RBM4: variants seen among roughly 807,000 people sequenced by gnomAD.
The protein encoded by RBM4 is RNA-binding protein 4.
RBM4 carries 7 observed loss-of-function variants against 29.5 expected under a neutral mutation model. The ratio of observed to expected loss-of-function variants is 0.24; its 90% CI spans 0.14 to 0.45. The LOEUF is 0.45. RBM4 is among the 20% of genes least tolerant of loss of function. RBM4 has a pLI of 1.00. For missense variants in RBM4, 387 were observed against 502.3 expected (o/e 0.77, Z 2.19); for synonymous variants, 220 against 205.4 (o/e 1.07, Z -0.61).
At chr11:66,662,548 C>T (rs570726160) in intron 2 of RBM4, among the ~76,000 whole-genome samples, 1 of 152,120 alleles carries the variant, frequency 6.6e-6, no homozygotes, top group Admixed American at 6.5e-5. Context: ...ATTACAGGTG[C>T]ACACCACCAT....
intron 2 of RBM4, among the ~76,000 whole-genome samples, chr11:66,654,582 A>G (rs955400602): frequency 4.0e-5 from 6 of 151,742 alleles, no homozygotes; most frequent in South Asian, 2.1e-4. Flanking sequence ...TCTGACTGCA[A>G]TCTTGATCTC....
chr11:66,648,227 T>G (rs1938749596), downstream of RBM4, among the ~76,000 whole-genome samples: 4 of 151,630 alleles, frequency 2.6e-5, no homozygotes, highest in South Asian at 8.3e-4. Context: ...AAAATAAAAT[T>G]TTAAGTCCTT....
chr11:66,665,488 A>C, intron 2 of RBM4: 1 of 936,514 alleles, frequency 1.1e-6, no homozygotes, highest in Non-Finnish European at 1.7e-6. Flanking sequence ...CTGAAACATG[A>C]AGCAATGGAA....
intron 2 of RBM4, among the ~76,000 whole-genome samples, chr11:66,652,672 G>A (rs1473684002): frequency 6.6e-6 from 1 of 152,116 alleles, no homozygotes; most frequent in Admixed American, 6.5e-5. Context: ...ATAGGGACTC[G>A]TGTTACTTTA....
intron 2 of RBM4, chr11:66,665,356 CAG>C (rs1939187202): frequency 5.1e-6 from 3 of 586,476 alleles, no homozygotes; most frequent in South Asian, 4.1e-5. Flanking sequence ...TAGGGCTGCT[CAG>C]AGGCTGAGAA....
chr11:66,643,913 C>CGCT lies in RBM4; in HGVS notation c.884_886dup (p.Ala295dup), dbSNP rs1565081722. 1 of 1,608,930 alleles carries CGCT rather than the reference C, an allele frequency of 6.2e-7. No homozygotes were observed. The highest frequency in any genetic ancestry group is 8.5e-7 in the Non-Finnish European group (1 of 1,178,190). On this transcript the variant is annotated inframe_insertion, in exon 3 of 4. Transcript: ENST00000310092. The surrounding 1 kb of genome is among the most constrained non-coding windows in gnomAD (Gnocchi z 6.1). Reference sequence around the variant, plus strand: ...CCACAGCTGCTGCTGCAGCAGCAGCCGCTGCTGCTGTTACTGCAGCTTCCA... The same window carrying CGCT: ...CCACAGCTGCTGCTGCAGCAGCAGCCGCTGCTGCTGCTGTTACTGCAGCTTCCA...
intron 2 of RBM4, 62 bp downstream of exon 2, chr11:66,640,185 A>C (rs781423541): frequency 2.5e-6 from 4 of 1,600,908 alleles, no homozygotes; most frequent in Non-Finnish European, 3.4e-6. Flanking sequence ...ATGGTTGGAT[A>C]AGTAAAAGGA....
At chr11:66,657,442 G>A (rs1938970474) in intron 2 of RBM4, among the ~76,000 whole-genome samples, 1 of 151,720 alleles carries the variant, frequency 6.6e-6, no homozygotes, top group African/African-American at 2.4e-5. Context: ...CGGCACTTTG[G>A]GAGGCCGAGG....
chr11:66,650,021 T>A (rs1938790721), downstream of RBM4: 2 of 503,968 alleles, frequency 4.0e-6, no homozygotes, highest in East Asian at 6.6e-5. Flanking sequence ...TAGGTTACCA[T>A]GTGGCGAATA....
chr11:66,658,169 C>T lies in RBM4; in HGVS notation c.413-7687C>T, dbSNP rs142797740. On this transcript the variant is annotated intron_variant, in intron 2 of 2. Coordinates refer to the RBM4 transcript ENST00000396053. ...TCAGCCTCCCTAGTAGCTGGGATTACAGGCATGCACCACCACGCCCGTCTA... is the reference window on the plus strand; with the variant it reads ...TCAGCCTCCCTAGTAGCTGGGATTATAGGCATGCACCACCACGCCCGTCTA... Among the ~76,000 whole-genome samples the T allele has an allele frequency of 4.2e-3, 635 of 152,048 alleles. 4 individuals carry two copies. Among genetic ancestry groups the T allele is most frequent in the African/African-American group, 0.014 (600 of 41,464 alleles).
intron 1 of RBM4, 39 bp from the exon 2 acceptor site, chr11:66,639,661 C>T: frequency 6.3e-7 from 1 of 1,597,740 alleles, no homozygotes; most frequent in African/African-American, 1.3e-5. Flanking sequence ...GGATGTGGGC[C>T]TGAGGTCTTT....
At chr11:66,651,104 TC>T (rs981180388), downstream of RBM4, among the ~76,000 whole-genome samples, 15 of 151,948 alleles carry the variant, frequency 9.9e-5, no homozygotes, top group African/African-American at 3.4e-4. Context: ...GAGCTACACA[TC>T]AGTACTAAAG....
downstream of RBM4, among the ~76,000 whole-genome samples, chr11:66,647,088 A>G (rs1174827689): frequency 2.0e-5 from 3 of 152,222 alleles, no homozygotes; most frequent in Non-Finnish European, 4.4e-5. Context: ...TTGTTGAATG[A>G]TGGGGCTGAG....
intron 2 of RBM4, among the ~76,000 whole-genome samples, chr11:66,642,167 TTCCCTATTGTGTTTTCTGGTC>T (rs1322286676): frequency 1.4e-4 from 22 of 152,358 alleles, no homozygotes; most frequent in African/African-American, 4.6e-4. Flanking sequence ...CCACCCCCGT[TTCCCTATTGTGTTTTCTGGTC>T]TCCCAGAATC....
intron 2 of RBM4, chr11:66,665,563 T>C: frequency 6.5e-7 from 1 of 1,533,660 alleles, no homozygotes; most frequent in South Asian, 1.2e-5. Context: ...GAGGGTTCAG[T>C]CCGCAATTAT....
intron 2 of RBM4, among the ~76,000 whole-genome samples, chr11:66,663,581 G>A (rs990713084): frequency 3.9e-5 from 6 of 151,926 alleles, no homozygotes; most frequent in Non-Finnish European, 5.9e-5. Flanking sequence ...CGTGTGCCTT[G>A]GCCTCCCAAA....
Position 66,638,730 on chromosome 11 carries a change from A to C in RBM4, c.-35A>C, listed in dbSNP as rs1041597663. ...CAGAAGCGTCCGCGCCGCGAGGAGG[A>C]GGCCCTGCTGGTTTCTGTGCGGGTG... On this transcript the variant is annotated 5_prime_UTR_variant, in exon 1 of 4. Coordinates refer to ENST00000310092, the MANE Select transcript of RBM4 (RefSeq NM_002896.4). 1 of 153,358 alleles carries C rather than the reference A, an allele frequency of 6.5e-6. No homozygotes were observed. Among genetic ancestry groups the C allele is most frequent in the Non-Finnish European group, 1.5e-5 (1 of 68,504 alleles). 9.5% of individuals were successfully genotyped at this position (153,358 alleles called of 1,614,324 possible).
At chr11:66,640,180 T>C (rs1938375952) in intron 2 of RBM4, 57 bp downstream of exon 2, 1 of 1,605,298 alleles carries the variant, frequency 6.2e-7, no homozygotes, top group East Asian at 2.2e-5. Flanking sequence ...AGAAAATGGT[T>C]GGATAAGTAA....
chr11:66,639,369 GTCC>G, intron 1 of RBM4: 1 of 271,652 alleles, frequency 3.7e-6, no homozygotes. Flanking sequence ...GTTTTCTGTT[GTCC>G]TCCTAGTGGA....
Sources: gnomAD v4.1 joint callset for allele counts (sites outside exome capture counted in the v4.1 genomes callset) on GRCh38, gnomAD v4.1.1 for gene constraint, Gnocchi (gnomAD v3.1) non-coding constraint, MANE v1.5 for transcripts, NCBI Gene and HGNC (gene_info 2026-07-23, HGNC 2026-07-21) for gene names.